The following WNK2 variants were observed in gnomAD, a reference collection of about 807,000 sequenced individuals.
WNK2 encodes the protein WNK lysine deficient protein kinase 2, also known as serine/threonine-protein kinase WNK2.
A neutral mutation model predicts 192.1 loss-of-function variants in WNK2; 67 were observed. The ratio of observed to expected loss-of-function variants is 0.35; its 90% CI spans 0.29 to 0.43. The LOEUF (loss-of-function observed/expected upper bound fraction) is 0.43, where lower values mean the gene tolerates loss of function less well. Ranked by LOEUF, WNK2 falls within the 20% of genes least tolerant of loss-of-function variation. WNK2 has a pLI of 1.00. For missense variants in WNK2, 2,698 were observed against 3,089.7 expected, an observed-to-expected ratio of 0.87 and a Z score of 3.01; for synonymous variants, 1,439 against 1,393.9, an observed-to-expected ratio of 1.03 and a Z score of -0.72.
intron 3 of WNK2, among the ~76,000 whole-genome samples, chr9:93,230,334 C>T (rs1838547239): frequency 1.3e-5 from 2 of 152,144 alleles, no homozygotes; most frequent in Admixed American, 6.5e-5. Context: ...CAGCCTTGGG[C>T]AGGGCCTCAG....
At position 93,247,988 on chromosome 9, in the gene WNK2, G is replaced by A. The variant is rs1842027498; in HGVS notation, c.1834+154G>A. 6.6e-6 allele frequency among the ~76,000 whole-genome samples: 1 copy of A among 152,256 alleles called. No individual in the cohort carries two copies. The highest frequency in any genetic ancestry group is 1.5e-5 in the Non-Finnish European group (1 of 68,044). On this transcript the variant is annotated intron_variant, in intron 8 of 29. Coordinates refer to ENST00000427277, the MANE Select transcript of WNK2 (RefSeq NM_006648.4). The surrounding 1 kb of genome is among the most constrained non-coding windows in gnomAD (Gnocchi z 5.2). ...GGCATCCCCTCGGAGGAGACATCGT[G>A]TAGCTCTGAGCTGTCCTCACGTAGC...
intron 29 of WNK2, chr9:93,318,567 G>T: frequency 6.2e-7 from 1 of 1,613,714 alleles, no homozygotes; most frequent in Non-Finnish European, 8.5e-7. Flanking sequence ...TGAGGATAAG[G>T]TGTGTGTTGG....
chr9:93,232,324 G>A (rs1418680337), intron 4 of WNK2, among the ~76,000 whole-genome samples: 1 of 152,200 alleles, frequency 6.6e-6, no homozygotes, highest in Non-Finnish European at 1.5e-5. Context: ...GAGCTGAGTG[G>A]TGGAGCGTAG....
At position 93,259,179 on chromosome 9, in the gene WNK2, G is replaced by A; in HGVS notation, c.2631G>A (p.Val877=). 1 of 1,612,482 alleles carries A rather than the reference G, an allele frequency of 6.2e-7. No homozygotes were observed. The highest frequency in any genetic ancestry group is 1.1e-5 in the South Asian group (1 of 91,052). The change falls in exon 12 of 30, where the codon GTG becomes GTA. Residue 877 remains valine, a synonymous_variant. Transcript: ENST00000427277. The surrounding 1 kb of genome is among the most constrained non-coding windows in gnomAD (Gnocchi z 4.8). Reference sequence around the variant, plus strand: ...TGGCCATGCCCTGCCGGACCATTGTGCCAAATGCACCGGCCACTATCCCCC... The same window carrying A: ...TGGCCATGCCCTGCCGGACCATTGTACCAAATGCACCGGCCACTATCCCCC... ...APLAMPCRTI[V]PNAPATIPLL... is the part of the protein sequence containing the mutation.
chr9:93,300,351 A>C, intron 26 of WNK2: 2 of 528,136 alleles, frequency 3.8e-6, no homozygotes, highest in Non-Finnish European at 6.8e-6. Flanking sequence ...CAAGCCCCAC[A>C]CAGCGTGTGT....
In WNK2 at chr9:93,292,799, C is replaced by T. The variant is rs1245173532; in HGVS notation, c.5334C>T (p.Ala1778=). 2 of 1,541,266 alleles carry T rather than the reference C, an allele frequency of 1.3e-6. No homozygotes were observed. The highest frequency in any genetic ancestry group is 8.7e-7 in the Non-Finnish European group (1 of 1,143,668). The change falls in exon 23 of 30, where the codon GCC becomes GCT. Residue 1778 remains alanine (A), a synonymous_variant. Coordinates refer to ENST00000427277, the MANE Select transcript of WNK2 (RefSeq NM_006648.4). ...SAPPDVYLDE[A]PSSPDVKLAV... ...CACCCGACGTCTACCTGGACGAGGC[C>T]CCCTCCAGCCCCGACGTGAAGCTGG...
chr9:93,267,626 A>G (rs1274384666), intron 16 of WNK2, 120 bp from the exon 17 acceptor site: 34 of 1,208,064 alleles, frequency 2.8e-5, no homozygotes, highest in African/African-American at 4.6e-5. Context: ...TGGGGACTGC[A>G]CCCTTTCACC....
chr9:93,259,630 G>T lies in WNK2; in HGVS notation c.3066+16G>T, dbSNP rs756538796. ...AGGGAGCCAGGTAATCACCTGCTGG[G>T]CAGGGGCTCACCCTCCCAGCGTCTG... On this transcript the variant is annotated intron_variant, in intron 12 of 29. Coordinates refer to ENST00000427277, the MANE Select transcript of WNK2 (RefSeq NM_006648.4). This position sits in a 1 kb window ranked among gnomAD's most constrained non-coding sequence, Gnocchi z 4.8. 1.3e-6 allele frequency: 2 copies of T among 1,549,004 alleles called. No homozygotes were observed. Among genetic ancestry groups the T allele is most frequent in the Non-Finnish European group, 1.7e-6 (2 of 1,157,534 alleles).
In WNK2 at chr9:93,289,207, C is replaced by G; in HGVS notation, c.4453C>G (p.His1485Asp). ...LPPPAPEPSPHSGTPQPALGQ... is the reference protein window; with the variant it reads ...LPPPAPEPSPDSGTPQPALGQ... Reference sequence around the variant, plus strand: ...ACCTCCTGCACCTGAGCCCAGCCCCCACAGCGGGACCCCACAGCCCGCCTT... The same window carrying G: ...ACCTCCTGCACCTGAGCCCAGCCCCGACAGCGGGACCCCACAGCCCGCCTT... The change falls in exon 20 of 30, where the codon CAC becomes GAC. Residue 1485 changes from histidine (H) to aspartate (D), a missense_variant. His to Asp is a moderately conservative substitution (Grantham distance 81). Around this residue, in one of 7 missense-constraint regions of WNK2, gnomAD observed 1,098 missense variants for 1,101.0 expected, o/e 1.00. Coordinates refer to ENST00000427277, the MANE Select transcript of WNK2 (RefSeq NM_006648.4). 6.2e-7 allele frequency: 1 copy of G among 1,603,642 alleles called. No homozygotes were observed. The highest frequency in any genetic ancestry group is 8.5e-7 in the Non-Finnish European group (1 of 1,177,774).
At chr9:93,241,996 C>T (rs1840855467) in intron 7 of WNK2, among the ~76,000 whole-genome samples, 1 of 152,196 alleles carries the variant, frequency 6.6e-6, no homozygotes, top group Admixed American at 6.5e-5. Flanking sequence ...TGCTCCTAAC[C>T]TCACCACAGC....
Position 93,259,351 on chromosome 9 carries a change from A to G in WNK2, c.2803A>G (p.Met935Val), listed in dbSNP as rs1843815939. The G allele has an allele frequency of 1.2e-6, 2 of 1,610,286 alleles. No individual in the cohort carries two copies. Among genetic ancestry groups the G allele is most frequent in the African/African-American group, 2.7e-5 (2 of 74,564 alleles). The change falls in exon 12 of 30, where the codon ATG (methionine) becomes GTG (valine). Residue 935 changes from methionine (M) to valine (V), a missense_variant. Around this residue, in one of 7 missense-constraint regions of WNK2, gnomAD observed 893 missense variants for 909.0 expected, o/e 0.98. Coordinates refer to ENST00000427277, the MANE Select transcript of WNK2 (RefSeq NM_006648.4). The surrounding 1 kb of genome is among the most constrained non-coding windows in gnomAD (Gnocchi z 4.8). ...PPSPHHTVQN[M>V]RATPPQPALP... ...TTCCCCCCATCACACGGTGCAGAAT[A>G]TGAGGGCCACCCCTCCACAGCCGGC... is the stretch of plus-strand genomic sequence containing the variant.
chr9:93,289,702 C>G, intron 20 of WNK2, 82 bp downstream of exon 20: 1 of 1,350,222 alleles, frequency 7.4e-7, no homozygotes. Flanking sequence ...GGGCAGGCAT[C>G]TTGGCTATGC....
chr9:93,185,043 C>A lies in WNK2; in HGVS notation c.114C>A (p.Pro38=). 7.7e-7 allele frequency: 1 copy of A among 1,291,078 alleles called. No individual in the cohort carries two copies. The highest frequency in any genetic ancestry group is 1.6e-5 in the African/African-American group (1 of 64,388). 80.0% of individuals were successfully genotyped at this position (1,291,078 alleles called of 1,614,324 possible). The change falls in exon 2 of 30, where the codon CCC becomes CCA. Residue 38 remains proline, a synonymous_variant. Coordinates refer to ENST00000427277, the MANE Select transcript of WNK2 (RefSeq NM_006648.4). ...EPRAKAARPG[P]QRFLRRSVVE... ...GGGCGAAGGCGGCGCGGCCGGGGCC[C>A]CAGCGCTTTCTGCGGCGCAGCGTGG...
chr9:93,253,240 G>A (rs1314985448), intron 9 of WNK2, among the ~76,000 whole-genome samples, 158 bp downstream of exon 9: 2 of 152,078 alleles, frequency 1.3e-5, no homozygotes, highest in Non-Finnish European at 2.9e-5. Flanking sequence ...ACTTCCCCTG[G>A]GGAGACATTC....
At chr9:93,218,038 G>T (rs1389291933) in intron 2 of WNK2, among the ~76,000 whole-genome samples, 14 of 146,414 alleles carry the variant, frequency 9.6e-5, no homozygotes, top group African/African-American at 3.2e-4. Context: ...GGGGTGGGGT[G>T]GGGGGAAGGG....
chr9:93,309,073 T>C (rs1853163736), intron 28 of WNK2: 1 of 989,790 alleles, frequency 1.0e-6, no homozygotes. Context: ...TTTTCACACC[T>C]AACTTGTTTG....
At position 93,229,367 on chromosome 9, in the gene WNK2, G is replaced by A. The variant is rs979047868; in HGVS notation, c.682-329G>A. Among the ~76,000 whole-genome samples, 2 of 152,248 alleles carry A rather than the reference G, an allele frequency of 1.3e-5. No homozygotes were observed. The highest frequency in any genetic ancestry group is 2.9e-5 in the Non-Finnish European group (2 of 68,046). Reference sequence around the variant, plus strand: ...CATTCTTTTCACAAACACACAGAAAGTGAGTGATTGTGGAGGAGGCAAAGG... The same window carrying A: ...CATTCTTTTCACAAACACACAGAAAATGAGTGATTGTGGAGGAGGCAAAGG... On this transcript the variant is annotated intron_variant, in intron 2 of 29. Transcript: ENST00000427277. This position sits in a 1 kb window ranked among gnomAD's most constrained non-coding sequence, Gnocchi z 4.9.
intron 18 of WNK2, 25 bp downstream of exon 18, chr9:93,268,090 CT>C: frequency 6.3e-7 from 1 of 1,599,460 alleles, no homozygotes; most frequent in Non-Finnish European, 8.5e-7. Context: ...TCCCTCCCTG[CT>C]TTTAAGCAGG....
intron 8 of WNK2, among the ~76,000 whole-genome samples, chr9:93,251,239 C>A (rs533432807): frequency 7.2e-4 from 110 of 152,290 alleles, no homozygotes; most frequent in African/African-American, 2.5e-3. Context: ...CCTCAGCCTC[C>A]TGAGTAGCTG....
Sources: allele counts gnomAD v4.1 joint callset (sites outside exome capture counted in the v4.1 genomes callset), GRCh38; gene constraint gnomAD v4.1.1; regional missense constraint gnomAD v4.1.1; non-coding constraint Gnocchi (gnomAD v3.1); transcripts MANE v1.5; gene names NCBI Gene and HGNC (gene_info 2026-07-23, HGNC 2026-07-21).